TBC1D32: variants seen among roughly 807,000 people sequenced by gnomAD.
The protein encoded by TBC1D32 is TBC1 domain family member 32, also known as protein broad-minded.
Under a neutral mutation model 170.3 loss-of-function variants are expected in TBC1D32, and 151 were observed. The ratio of observed to expected loss-of-function variants is 0.89; its 90% CI spans 0.78 to 1.01. TBC1D32 has a LOEUF of 1.01. Among genes scored for constraint, TBC1D32 ranks in the 50% least tolerant of loss-of-function variants. TBC1D32 has a pLI of 0.00. For synonymous variants in TBC1D32, 498 were observed against 488.0 expected (o/e 1.02, Z -0.27); for missense variants, 1,464 against 1,457.1 (o/e 1.00, Z -0.08).
chr6:121,209,430 T>C (rs1792764716), intron 21 of TBC1D32, among the ~76,000 whole-genome samples: 1 of 152,186 alleles, frequency 6.6e-6, no homozygotes. Context: ...CTTTAGGATT[T>C]AATCATCTTG....
intron 22 of TBC1D32, among the ~76,000 whole-genome samples, chr6:121,188,315 A>G (rs1224149368): frequency 2.6e-5 from 4 of 152,160 alleles, no homozygotes; most frequent in Non-Finnish European, 5.9e-5. Context: ...CTTTGAAAAT[A>G]AAGTAAATGT....
At chr6:121,213,466 T>TAATAA (rs1554271835) in intron 21 of TBC1D32, among the ~76,000 whole-genome samples, 584 of 24,654 alleles carry the variant, frequency 0.024, 7 homozygotes, top group African/African-American at 0.054. Flanking sequence ...ACAAAAATAA[T>TAATAA]AATAAAATAA....
intron 22 of TBC1D32, among the ~76,000 whole-genome samples, chr6:121,179,115 G>A (rs185973043): frequency 2.0e-4 from 31 of 152,026 alleles, no homozygotes; most frequent in Non-Finnish European, 4.3e-4. Context: ...GCAATTAAAA[G>A]TATGATAATG....
intron 20 of TBC1D32, among the ~76,000 whole-genome samples, chr6:121,232,004 C>T (rs1353902985): frequency 1.3e-5 from 2 of 152,070 alleles, no homozygotes; most frequent in African/African-American, 2.4e-5. Flanking sequence ...AAGCTAATGT[C>T]TAGAAGGATT....
chr6:121,323,397 G>A (rs1475292825), intron 1 of TBC1D32, among the ~76,000 whole-genome samples: 1 of 152,066 alleles, frequency 6.6e-6, no homozygotes, highest in Non-Finnish European at 1.5e-5. Flanking sequence ...TATTATTTCA[G>A]TCAGAGCTAG....
intron 26 of TBC1D32, among the ~76,000 whole-genome samples, chr6:121,118,279 G>T (rs1182305104): frequency 6.6e-6 from 1 of 152,102 alleles, no homozygotes; most frequent in Admixed American, 6.5e-5. Flanking sequence ...ACTGTGAAAA[G>T]AATAATGAAA....
chr6:121,270,625 T>A (rs1180773330), intron 15 of TBC1D32, among the ~76,000 whole-genome samples: 1 of 152,072 alleles, frequency 6.6e-6, no homozygotes, highest in Non-Finnish European at 1.5e-5. Context: ...ATTAATAGCC[T>A]ACCAACCAAA....
chr6:121,192,095 T>G (rs1790157659), intron 22 of TBC1D32, among the ~76,000 whole-genome samples: 1 of 141,420 alleles, frequency 7.1e-6, no homozygotes, highest in Non-Finnish European at 1.5e-5. Flanking sequence ...CTATTAGTTC[T>G]ATCCTTCTGG....
At chr6:121,238,013 ACT>A (rs1796527083) in intron 20 of TBC1D32, among the ~76,000 whole-genome samples, 1 of 152,088 alleles carries the variant, frequency 6.6e-6, no homozygotes, top group South Asian at 2.1e-4. Flanking sequence ...TTCAAACTGA[ACT>A]CTCTAACACC....
chr6:121,190,069 TACAG>T (rs1432556119), intron 22 of TBC1D32, among the ~76,000 whole-genome samples: 5 of 83,504 alleles, frequency 6.0e-5, no homozygotes, highest in East Asian at 3.5e-4. Flanking sequence ...CCTAGCCCAA[TACAG>T]ACACACACAC....
chr6:121,138,167 C>G (rs968441613), intron 24 of TBC1D32, among the ~76,000 whole-genome samples: 4 of 152,088 alleles, frequency 2.6e-5, no homozygotes, highest in Non-Finnish European at 5.9e-5. Context: ...ATCATTCCAT[C>G]TATAAATTTG....
At chr6:121,249,283 C>A (rs996102586) in intron 17 of TBC1D32, among the ~76,000 whole-genome samples, 1 of 150,958 alleles carries the variant, frequency 6.6e-6, no homozygotes, top group African/African-American at 2.4e-5. Flanking sequence ...AGATTAAAAC[C>A]CTTAACAAAA....
At chr6:121,227,707 C>T (rs1156584388) in intron 20 of TBC1D32, among the ~76,000 whole-genome samples, 7 of 151,954 alleles carry the variant, frequency 4.6e-5, no homozygotes, top group Non-Finnish European at 1.0e-4. Flanking sequence ...GAATTCCAAT[C>T]GATAATATAG....
In TBC1D32 at chr6:121,090,848, C is replaced by A. The variant is rs560658929; in HGVS notation, c.3654+5G>T. On this transcript the variant is annotated splice_donor_5th_base_variant and intron_variant, in intron 31 of 31. Coordinates refer to ENST00000398212, the MANE Select transcript of TBC1D32 (RefSeq NM_152730.6). ...ACATTTTCCTCTCCATATAAACATACTTACTTTTAGGAAAACTTGCAGATC... is the reference window on the plus strand; with the variant it reads ...ACATTTTCCTCTCCATATAAACATAATTACTTTTAGGAAAACTTGCAGATC... 2.5e-6 allele frequency: 4 copies of A among 1,606,988 alleles called. No homozygotes were observed. Among genetic ancestry groups the A allele is most frequent in the Non-Finnish European group, 3.4e-6 (4 of 1,178,146 alleles).
At chr6:121,221,461 C>A (rs1004080735) in intron 21 of TBC1D32, among the ~76,000 whole-genome samples, 2 of 152,154 alleles carry the variant, frequency 1.3e-5, no homozygotes, top group Non-Finnish European at 2.9e-5. Context: ...CTATAACTGC[C>A]ATAAATAGTG....
At position 121,099,798 on chromosome 6, in the gene TBC1D32, T is replaced by G. The variant is rs148417996; in HGVS notation, c.3465+6225A>C. On this transcript the variant is annotated intron_variant, in intron 30 of 31. Transcript: ENST00000398212. ...TTTTACATTACCTTAAAAGAAAGAA[T>G]AGCATTACTGTTTCAAAATAATGAA... is the stretch of plus-strand genomic sequence containing the variant. Among the ~76,000 whole-genome samples the G allele has an allele frequency of 2.1e-3, 312 of 152,036 alleles. 1 individual carries two copies. Among genetic ancestry groups the G allele is most frequent in the African/African-American group, 7.2e-3 (301 of 41,528 alleles).
chr6:121,243,800 A>C (rs946352496), intron 17 of TBC1D32, among the ~76,000 whole-genome samples: 18 of 148,714 alleles, frequency 1.2e-4, no homozygotes, highest in African/African-American at 4.5e-4. Flanking sequence ...TTTGAAGACC[A>C]AAAAAAAAAC....
intron 25 of TBC1D32, among the ~76,000 whole-genome samples, chr6:121,130,252 C>T (rs1461410307): frequency 4.6e-5 from 7 of 151,942 alleles, no homozygotes; most frequent in African/African-American, 1.5e-4. Flanking sequence ...GAGGCTGAGG[C>T]GGGTGGATCA....
At chr6:121,282,855 A>G (rs1050168399) in intron 13 of TBC1D32, among the ~76,000 whole-genome samples, 2 of 151,912 alleles carry the variant, frequency 1.3e-5, no homozygotes, top group African/African-American at 4.8e-5. Flanking sequence ...CAGAAGACCT[A>G]AGCTAGTTCT....
Sources: allele counts gnomAD v4.1 joint callset (sites outside exome capture counted in the v4.1 genomes callset), GRCh38; gene constraint gnomAD v4.1.1; transcripts MANE v1.5; gene names NCBI Gene and HGNC (gene_info 2026-07-23, HGNC 2026-07-21).